KCNC2: variants seen among roughly 807,000 people sequenced by gnomAD.
The protein encoded by KCNC2 is potassium voltage-gated channel subfamily C member 2.
In KCNC2, 21 loss-of-function variants were observed where a neutral mutation model predicts 44.5. That is an observed-to-expected ratio of 0.47 (90% confidence interval 0.33 to 0.68). KCNC2 has a LOEUF of 0.68. Ranked by LOEUF, KCNC2 falls within the 30% of genes least tolerant of loss-of-function variation. The probability of loss-of-function intolerance (pLI) is 0.01; values close to 1 mark genes in which losing one functional copy is unlikely to be tolerated. For missense variants in KCNC2, 589 were observed against 826.2 expected (o/e 0.71, Z 3.52); for synonymous variants, 391 against 339.1 (o/e 1.15, Z -1.68).
At chr12:75,061,938 G>T (rs1592783000) in intron 2 of KCNC2, among the ~76,000 whole-genome samples, 1 of 151,954 alleles carries the variant, frequency 6.6e-6, no homozygotes, top group Non-Finnish European at 1.5e-5. Flanking sequence ...TAAATAAGTG[G>T]CAATAGAGAA....
intron 2 of KCNC2, among the ~76,000 whole-genome samples, chr12:75,081,873 T>G (rs1244753638): frequency 1.3e-5 from 2 of 152,046 alleles, no homozygotes; most frequent in Non-Finnish European, 2.9e-5. Context: ...CCTAGACACC[T>G]AAACTGTACC....
intron 2 of KCNC2, among the ~76,000 whole-genome samples, chr12:75,132,163 C>A (rs1322900284): frequency 2.0e-5 from 3 of 151,948 alleles, no homozygotes; most frequent in Non-Finnish European, 4.4e-5. Context: ...CCCTCATAGC[C>A]TTTTGGGGGC....
At chr12:75,135,634 A>G (rs1283089894) in intron 2 of KCNC2, among the ~76,000 whole-genome samples, 2 of 152,014 alleles carry the variant, frequency 1.3e-5, no homozygotes, top group African/African-American at 4.8e-5. Context: ...ATTATTGACA[A>G]TCAAAGATAG....
intron 2 of KCNC2, among the ~76,000 whole-genome samples, chr12:75,204,938 T>C (rs972666018): frequency 6.6e-6 from 1 of 152,180 alleles, no homozygotes; most frequent in African/African-American, 2.4e-5. Context: ...AACAGGATTC[T>C]TTTTAAGAAG....
intron 2 of KCNC2, among the ~76,000 whole-genome samples, chr12:75,206,692 G>A (rs1044945686): frequency 2.6e-5 from 4 of 152,114 alleles, no homozygotes; most frequent in African/African-American, 7.2e-5. Context: ...CCTAGTATTC[G>A]TCTCCCTTGG....
At chr12:75,098,920 C>T (rs2219445) in intron 2 of KCNC2, among the ~76,000 whole-genome samples, 24,422 of 152,038 alleles carry the variant, frequency 0.16, 2,374 homozygotes, top group Admixed American at 0.25. Context: ...CAGTGTGAGG[C>T]TTTGCCCTCA....
chr12:75,065,174 A>T (rs1173869649), intron 2 of KCNC2, among the ~76,000 whole-genome samples: 1 of 152,104 alleles, frequency 6.6e-6, no homozygotes, highest in African/African-American at 2.4e-5. Context: ...GAAATAAAAA[A>T]TTAAATATGA....
At chr12:75,103,265 G>A (rs1267273874) in intron 2 of KCNC2, among the ~76,000 whole-genome samples, 1 of 152,116 alleles carries the variant, frequency 6.6e-6, no homozygotes, top group East Asian at 1.9e-4. Context: ...CCACTATTAT[G>A]GTTCCCAATT....
intron 2 of KCNC2, among the ~76,000 whole-genome samples, chr12:75,195,337 T>C (rs2030668949): frequency 6.6e-6 from 1 of 152,054 alleles, no homozygotes; most frequent in South Asian, 2.1e-4. Flanking sequence ...TATAATTAGG[T>C]AGTTTATACA....
At chr12:75,169,948 G>A (rs1177795654) in intron 2 of KCNC2, among the ~76,000 whole-genome samples, 1 of 151,528 alleles carries the variant, frequency 6.6e-6, no homozygotes, top group Admixed American at 6.6e-5. Context: ...CCCTAGGCCT[G>A]CAAAAGAAAG....
chr12:75,167,827 T>A (rs531189462), intron 2 of KCNC2, among the ~76,000 whole-genome samples: 1 of 151,508 alleles, frequency 6.6e-6, no homozygotes, highest in African/African-American at 2.4e-5. Context: ...TAAAATTGAA[T>A]CATGGTTGTA....
intron 2 of KCNC2, among the ~76,000 whole-genome samples, chr12:75,194,927 C>T (rs545011489): frequency 2.6e-4 from 39 of 152,192 alleles, no homozygotes; most frequent in Non-Finnish European, 1.5e-5. Context: ...AGTTTAATAC[C>T]TGCTTTCATT....
intron 2 of KCNC2, among the ~76,000 whole-genome samples, chr12:75,126,480 A>T (rs1888432715): frequency 6.6e-6 from 1 of 152,200 alleles, no homozygotes; most frequent in African/African-American, 2.4e-5. Flanking sequence ...AGAAAACTTA[A>T]AAACACTATT....
At chr12:75,098,782 A>AAAT (rs1476668950) in intron 2 of KCNC2, among the ~76,000 whole-genome samples, 1 of 151,482 alleles carries the variant, frequency 6.6e-6, no homozygotes, top group East Asian at 1.9e-4. Flanking sequence ...ATAAATAAAT[A>AAAT]AATAAAGGAA....
At chr12:75,114,856 C>CTTTTTT in intron 2 of KCNC2, among the ~76,000 whole-genome samples, 1 of 86,560 alleles carries the variant, frequency 1.2e-5, no homozygotes, top group Non-Finnish European at 2.0e-5. Flanking sequence ...TCAACTTCTA[C>CTTTTTT]TTTTTTTTTT....
In KCNC2 at chr12:75,207,228, A is replaced by C. The variant is rs960549514; in HGVS notation, c.687+69T>G. ...CATGCCTGAGGCCCTGGGGTGGAAA[A>C]GAACAGAAAGTTGGGGAGGGAGTTG... On this transcript the variant is annotated intron_variant, in intron 2 of 4. Transcript: ENST00000549446. This position sits in a 1 kb window ranked among gnomAD's most constrained non-coding sequence, Gnocchi z 4.1. The C allele has an allele frequency of 1.3e-6, 2 of 1,496,158 alleles. No homozygotes were observed. The highest frequency in any genetic ancestry group is 1.8e-6 in the Non-Finnish European group (2 of 1,124,422). The allele number at this position is 1,496,158 out of a possible 1,614,324, so 92.7% of individuals were successfully genotyped here.
chr12:75,096,162 T>C (rs572195190), intron 2 of KCNC2, among the ~76,000 whole-genome samples: 3 of 152,090 alleles, frequency 2.0e-5, no homozygotes, highest in South Asian at 4.1e-4. Flanking sequence ...CACTTTCAAG[T>C]CAACTGCAAA....
intron 2 of KCNC2, among the ~76,000 whole-genome samples, chr12:75,056,840 A>C (rs1446429472): frequency 2.0e-5 from 3 of 152,072 alleles, no homozygotes; most frequent in Non-Finnish European, 4.4e-5. Flanking sequence ...CCAAGGAATC[A>C]TGTTAAGTTA....
rs1220581044 is a variant in KCNC2, at chr12:75,041,086, A to G, written c.*2019T>C. On this transcript the variant is annotated 3_prime_UTR_variant, in exon 5 of 5. Transcript: ENST00000549446. ...GACGCGAGGATCTCTTCCAAGTGCA[A>G]CCTGGTCACATCAGGGCACATTCAG... 1 of 1,594,388 alleles carries G rather than the reference A, an allele frequency of 6.3e-7. No homozygotes were observed. The highest frequency in any genetic ancestry group is 8.5e-7 in the Non-Finnish European group (1 of 1,176,774).
Sources: gnomAD v4.1 joint callset for allele counts (sites outside exome capture counted in the v4.1 genomes callset) on GRCh38, gnomAD v4.1.1 for gene constraint, Gnocchi (gnomAD v3.1) non-coding constraint, MANE v1.5 for transcripts, NCBI Gene and HGNC (gene_info 2026-07-23, HGNC 2026-07-21) for gene names.